Variants in USP40 observed in about 807,000 individuals in gnomAD.
USP40 encodes the protein ubiquitin carboxyl-terminal hydrolase 40.
Under a neutral mutation model 166.2 loss-of-function variants are expected in USP40, and 143 were observed. The ratio of observed to expected loss-of-function variants is 0.86; its 90% confidence interval spans 0.75 to 0.99. USP40 has a LOEUF of 0.99. Ranked by LOEUF, USP40 falls within the 50% of genes least tolerant of loss-of-function variation. The pLI is 0.00. For synonymous variants in USP40, 498 were observed against 524.0 expected, an observed-to-expected ratio of 0.95 and a Z score of 0.68; for missense variants, 1,444 against 1,479.7, an observed-to-expected ratio of 0.98 and a Z score of 0.40.
chr2:233,504,426 T>C (rs552007621), intron 21 of USP40, among the ~76,000 whole-genome samples: 63 of 151,844 alleles, frequency 4.1e-4, no homozygotes, highest in Non-Finnish European at 7.8e-4. Context: ...AAACATAGAC[T>C]GAAAGTGAAG....
chr2:233,524,779 T>C (rs1485576339), intron 14 of USP40, among the ~76,000 whole-genome samples: 2 of 152,192 alleles, frequency 1.3e-5, no homozygotes, highest in African/African-American at 4.8e-5. Flanking sequence ...ACAAGAGAGA[T>C]AATCCAAAGG....
Position 233,533,741 on chromosome 2 carries a change from T to C in USP40, c.1209A>G (p.Ser403=). 2 of 1,610,930 alleles carry C rather than the reference T, an allele frequency of 1.2e-6. No homozygotes were observed. Among genetic ancestry groups the C allele is most frequent in the Non-Finnish European group, 1.7e-6 (2 of 1,178,454 alleles). ...TCAAGAGACGAACTGTACTTTCATC[T>C]GAACTGAGTAGAAATATCTGAGAAT... ...QLHSQIFLLS[S]DESTVRLLKN... is the part of the protein sequence containing the mutation. Residue 403 remains serine (S), a synonymous_variant, in exon 11 of 32, where the codon TCA becomes TCG. Coordinates refer to ENST00000678225, the MANE Select transcript of USP40 (RefSeq NM_001365479.2).
chr2:233,525,802 C>T (rs529765631), intron 13 of USP40, among the ~76,000 whole-genome samples: 15 of 152,320 alleles, frequency 9.8e-5, no homozygotes, highest in African/African-American at 2.6e-4. Flanking sequence ...ACAAAGGGCA[C>T]AACAACCATC....
Position 233,528,680 on chromosome 2 carries a change from T to C in USP40, c.1553+751A>G, listed in dbSNP as rs541925753. Among the ~76,000 whole-genome samples, 4 of 152,338 alleles carry C rather than the reference T, an allele frequency of 2.6e-5. No homozygotes were observed. The South Asian group carries it at 6.2e-4, about 24-fold the overall frequency. On this transcript the variant is annotated intron_variant, in intron 12 of 31. Transcript: ENST00000678225. The stretch of plus-strand genomic sequence containing the variant: ...TTTAATCTTTTTGGTATCTTGGTTT[T>C]TGTTGTTTCTTTGCTCGTGTCATTC...
chr2:233,512,798 A>C, intron 18 of USP40, 176 bp from the exon 19 acceptor site: 1 of 327,474 alleles, frequency 3.1e-6, no homozygotes, highest in African/African-American at 2.2e-5. Context: ...ACAAACCAAA[A>C]ACCCCCCAAC....
rs1216028360 is a variant in USP40 at position 233,482,667 on chromosome 2, T to C, written c.3505-1370A>G. Among the ~76,000 whole-genome samples the C allele has an allele frequency of 2.0e-5, 3 of 148,802 alleles. No individual in the cohort carries two copies. In the Admixed American group the frequency reaches 2.0e-4, roughly 10 times the overall value. ...GTGCAGTGGCATGATCTCAGCTCAC[T>C]ACAACCTCCACCTCCTGGGGTCAAG... is the stretch of plus-strand genomic sequence containing the variant. On this transcript the variant is annotated intron_variant, in intron 30 of 31. Transcript: ENST00000678225.
intron 26 of USP40, 96 bp from the exon 27 acceptor site, chr2:233,489,579 A>T: frequency 1.1e-6 from 1 of 945,026 alleles, no homozygotes; most frequent in Non-Finnish European, 1.6e-6. Context: ...ACACAGTGGC[A>T]TCTCAAGGAA....
intron 10 of USP40, among the ~76,000 whole-genome samples, chr2:233,535,186 A>G (rs1282399845): frequency 1.3e-5 from 2 of 152,178 alleles, no homozygotes; most frequent in African/African-American, 2.4e-5. Context: ...ATCCCCCTAA[A>G]TCCTTGGCTA....
At chr2:233,550,653 A>AT (rs1490165719) in intron 7 of USP40, among the ~76,000 whole-genome samples, 2 of 152,236 alleles carry the variant, frequency 1.3e-5, no homozygotes, top group African/African-American at 4.8e-5. Flanking sequence ...GAATAAACAT[A>AT]TAAGAATGAT....
intron 21 of USP40, among the ~76,000 whole-genome samples, chr2:233,506,740 C>CAAAAAAAAAAAA (rs1227656570): frequency 1.9e-5 from 1 of 53,834 alleles, no homozygotes; most frequent in African/African-American, 5.1e-5. Flanking sequence ...ACCGAAAATA[C>CAAAAAAAAAAAA]AAAAAAAAAA....
At chr2:233,543,877 T>A (rs1308433930) in intron 8 of USP40, among the ~76,000 whole-genome samples, 1 of 152,014 alleles carries the variant, frequency 6.6e-6, no homozygotes, top group Non-Finnish European at 1.5e-5. Context: ...CAGGGCAGAG[T>A]TGGGGAGAGA....
intron 30 of USP40, among the ~76,000 whole-genome samples, chr2:233,482,825 C>T (rs1011769619): frequency 6.6e-5 from 10 of 152,104 alleles, no homozygotes; most frequent in African/African-American, 1.4e-4. Flanking sequence ...TGAGCCACTG[C>T]GCCTGGCCAT....
At position 233,524,533 on chromosome 2, in the gene USP40, T is replaced by G. The variant is rs1410948744; in HGVS notation, c.1840A>C (p.Ile614Leu). The G allele has an allele frequency of 6.2e-7, 1 of 1,606,516 alleles. No homozygotes were observed. Among genetic ancestry groups the G allele is most frequent in the Non-Finnish European group, 8.5e-7 (1 of 1,177,142 alleles). The change falls in exon 15 of 32, where the codon ATT becomes CTT. Residue 614 changes from isoleucine to leucine, a missense_variant. Transcript: ENST00000678225. ...GDELTLCETE[I>L]ADGEDIFVWN... is the part of the protein sequence containing the mutation. The stretch of plus-strand genomic sequence containing the variant: ...ACAAAGATGTCTTCCCCATCAGCAA[T>G]TTCAGTTTCACACAGTGTCAGTTCA...
At chr2:233,563,191 G>A (rs527979540) in intron 2 of USP40, among the ~76,000 whole-genome samples, 19 of 152,280 alleles carry the variant, frequency 1.2e-4, no homozygotes, top group Admixed American at 1.1e-3. Flanking sequence ...ACATCCTTTC[G>A]TGGGAAGGAT....
chr2:233,542,974 T>C (rs1575322853), intron 8 of USP40, among the ~76,000 whole-genome samples: 2 of 152,332 alleles, frequency 1.3e-5, no homozygotes, highest in African/African-American at 4.8e-5. Context: ...TATTTTCTGG[T>C]CTTCATCCCG....
intron 21 of USP40, among the ~76,000 whole-genome samples, chr2:233,507,960 T>C (rs2066545992): frequency 6.6e-6 from 1 of 152,254 alleles, no homozygotes; most frequent in South Asian, 2.1e-4. Flanking sequence ...TAAATACGTG[T>C]CAATTTAATT....
At chr2:233,498,790 T>C (rs2065889964) in intron 22 of USP40, among the ~76,000 whole-genome samples, 178 bp from the exon 23 acceptor site, 1 of 152,224 alleles carries the variant, frequency 6.6e-6, no homozygotes, top group Non-Finnish European at 1.5e-5. Flanking sequence ...GAAATCAGAA[T>C]GAGGTCTCAT....
At chr2:233,524,654 G>C (rs2067892855) in intron 14 of USP40, 92 bp from the exon 15 acceptor site, 12 of 949,150 alleles carry the variant, frequency 1.3e-5, no homozygotes, top group Non-Finnish European at 1.8e-5. Context: ...GTTTGAAAAA[G>C]TATTTTCACT....
intron 30 of USP40, among the ~76,000 whole-genome samples, chr2:233,484,474 C>CTT (rs1222375562): frequency 2.1e-5 from 3 of 144,036 alleles, no homozygotes; most frequent in Admixed American, 6.9e-5. Context: ...TTTGAATCTC[C>CTT]TTTTTTTTTT....
Sources: gnomAD v4.1 joint callset for allele counts (sites outside exome capture counted in the v4.1 genomes callset) on GRCh38, gnomAD v4.1.1 for gene constraint, MANE v1.5 for transcripts, NCBI Gene and HGNC (gene_info 2026-07-23, HGNC 2026-07-21) for gene names.